Variants in PHACTR3 observed in about 807,000 individuals in gnomAD.
PHACTR3 encodes the protein protein phosphatase 1, regulatory subunit 123.
A neutral mutation model predicts 66.8 loss-of-function variants in PHACTR3; 16 were observed. The ratio of observed to expected loss-of-function variants is 0.24; its 90% confidence interval spans 0.16 to 0.36. The LOEUF is 0.36. Ranked by LOEUF, PHACTR3 falls within the 10% of genes least tolerant of loss-of-function variation. PHACTR3 has a pLI of 1.00. For missense variants in PHACTR3, 647 were observed against 719.9 expected (o/e 0.90, Z 1.16); for synonymous variants, 323 against 292.1 (o/e 1.11, Z -1.08).
chr20:59,601,686 T>G (rs1417655189), upstream of PHACTR3, among the ~76,000 whole-genome samples: 1 of 152,256 alleles, frequency 6.6e-6, no homozygotes, highest in Non-Finnish European at 1.5e-5. Context: ...TATCTTCTAT[T>G]GGTCAGTAGA....
intron 8 of PHACTR3, among the ~76,000 whole-genome samples, chr20:59,834,988 G>A (rs2042483786): frequency 6.6e-6 from 1 of 152,160 alleles, no homozygotes; most frequent in Non-Finnish European, 1.5e-5. Flanking sequence ...TTTGTGTTGG[G>A]CCTCCTTCAA....
At chr20:59,740,950 A>T (rs2146758591) in intron 1 of PHACTR3, among the ~76,000 whole-genome samples, 1 of 152,224 alleles carries the variant, frequency 6.6e-6, no homozygotes, top group East Asian at 1.9e-4. Flanking sequence ...AGTGGCATGC[A>T]TGGGTGCCTT....
At chr20:59,776,175 G>T (rs1286260987) in intron 7 of PHACTR3, among the ~76,000 whole-genome samples, 4 of 152,180 alleles carry the variant, frequency 2.6e-5, no homozygotes, top group Non-Finnish European at 4.4e-5. Flanking sequence ...AGCAGCCAGG[G>T]CCCCTTACCG....
chr20:59,772,837 G>T (rs1161143299), intron 5 of PHACTR3, among the ~76,000 whole-genome samples: 1 of 152,210 alleles, frequency 6.6e-6, no homozygotes, highest in Non-Finnish European at 1.5e-5. Flanking sequence ...GGGGCTGGAA[G>T]TGCAAGCCCA....
At chr20:59,617,920 G>T (rs2034091714) in intron 1 of PHACTR3, among the ~76,000 whole-genome samples, 1 of 152,184 alleles carries the variant, frequency 6.6e-6, no homozygotes, top group African/African-American at 2.4e-5. Flanking sequence ...CATCCTCGTG[G>T]TAGATCGTCT....
Position 59,674,058 on chromosome 20 carries a change from G to A in PHACTR3, c.118+68926G>A, listed in dbSNP as rs563724036. Among the ~76,000 whole-genome samples the A allele has an allele frequency of 9.2e-5, 14 of 152,112 alleles. No individual in the cohort carries two copies. The East Asian group carries it at 1.7e-3, about 19-fold the overall frequency. ...TCTGATGAAATTCAGCTGAGATTTC[G>A]GTTTTTTGTGCTCTGTACCCTGACA... On this transcript the variant is annotated intron_variant, in intron 1 of 12. Transcript: ENST00000371015.
chr20:59,803,134 G>T (rs545010838), intron 7 of PHACTR3, among the ~76,000 whole-genome samples: 1 of 152,292 alleles, frequency 6.6e-6, no homozygotes, highest in African/African-American at 2.4e-5. Flanking sequence ...CTCGGTGGCT[G>T]CCAGGCAGCT....
At chr20:59,840,266 C>T (rs963653560) in intron 9 of PHACTR3, 103 bp from the exon 10 acceptor site, 18 of 1,484,008 alleles carry the variant, frequency 1.2e-5, no homozygotes, top group East Asian at 2.4e-5. Flanking sequence ...AACTTCAGCT[C>T]CCAGAAATAT....
chr20:59,673,492 C>T (rs1158658103), intron 1 of PHACTR3, among the ~76,000 whole-genome samples: 2 of 152,174 alleles, frequency 1.3e-5, no homozygotes, highest in Non-Finnish European at 2.9e-5. Flanking sequence ...GCCTTGGATT[C>T]TCTTAGACCT....
chr20:59,726,996 G>A (rs1416580775), intron 1 of PHACTR3, among the ~76,000 whole-genome samples: 1 of 152,128 alleles, frequency 6.6e-6, no homozygotes, highest in African/African-American at 2.4e-5. Flanking sequence ...TCTGTGCAGT[G>A]AGTGCAGTCA....
At position 59,666,378 on chromosome 20, in the gene PHACTR3, A is replaced by G. The variant is rs549439466; in HGVS notation, c.118+61246A>G. On this transcript the variant is annotated intron_variant, in intron 1 of 12. Coordinates refer to ENST00000371015, the MANE Select transcript of PHACTR3 (RefSeq NM_080672.5). ...ATTTTACAGAAAGATAGGGTTGGACATAGCATCAGGGGTCACTTGAAAGTC... is the reference window on the plus strand; with the variant it reads ...ATTTTACAGAAAGATAGGGTTGGACGTAGCATCAGGGGTCACTTGAAAGTC... 6.2e-4 allele frequency among the ~76,000 whole-genome samples: 94 copies of G among 152,294 alleles called. 1 individual carries two copies. In the South Asian group the frequency reaches 0.019, roughly 31 times the overall value.
At chr20:59,606,782 G>A (rs1406077991) in intron 1 of PHACTR3, among the ~76,000 whole-genome samples, 1 of 152,136 alleles carries the variant, frequency 6.6e-6, no homozygotes, top group African/African-American at 2.4e-5. Context: ...CATGAGAGAA[G>A]GAGGAGGAAG....
chr20:59,722,012 C>T (rs144950912), intron 1 of PHACTR3, among the ~76,000 whole-genome samples: 71 of 152,244 alleles, frequency 4.7e-4, no homozygotes, highest in African/African-American at 1.6e-3. Context: ...AGGCAGATCA[C>T]AAGGTCAGGA....
chr20:59,788,897 T>C (rs557451905), intron 7 of PHACTR3, among the ~76,000 whole-genome samples: 1 of 152,320 alleles, frequency 6.6e-6, no homozygotes, highest in African/African-American at 2.4e-5. Flanking sequence ...CCATGATGTA[T>C]GTGTCAGGCA....
At chr20:59,693,686 G>T (rs1432401374) in intron 1 of PHACTR3, among the ~76,000 whole-genome samples, 1 of 152,160 alleles carries the variant, frequency 6.6e-6, no homozygotes, top group African/African-American at 2.4e-5. Flanking sequence ...GACTTAGCTG[G>T]GTGGTTCTTC....
At chr20:59,615,921 T>C (rs2034009356) in intron 1 of PHACTR3, among the ~76,000 whole-genome samples, 1 of 152,178 alleles carries the variant, frequency 6.6e-6, no homozygotes, top group East Asian at 1.9e-4. Context: ...CACATTAGGC[T>C]TATTTCCCTA....
In PHACTR3 at chr20:59,820,471, G is replaced by A. The variant is rs2042003391; in HGVS notation, c.1328+14277G>A. Among the ~76,000 whole-genome samples, 1 of 152,186 alleles carries A rather than the reference G, an allele frequency of 6.6e-6. No homozygotes were observed. The highest frequency in any genetic ancestry group is 1.5e-5 in the Non-Finnish European group (1 of 68,036). On this transcript the variant is annotated intron_variant, in intron 8 of 12. Coordinates refer to ENST00000371015, the MANE Select transcript of PHACTR3 (RefSeq NM_080672.5). The surrounding 1 kb of genome is among the most constrained non-coding windows in gnomAD (Gnocchi z 4.6). ...ACAGAACACACAGCTTCCAAATTGG[G>A]ACAAGTTTAAACTGGCAAATCTCAG...
intron 1 of PHACTR3, among the ~76,000 whole-genome samples, chr20:59,636,929 CTT>C (rs2034919109): frequency 6.6e-6 from 1 of 152,200 alleles, no homozygotes; most frequent in Non-Finnish European, 1.5e-5. Context: ...GCAAAGAAGA[CTT>C]TGCTTGCCAA....
At chr20:59,636,785 A>G (rs1239879558) in intron 1 of PHACTR3, among the ~76,000 whole-genome samples, 1 of 152,258 alleles carries the variant, frequency 6.6e-6, no homozygotes, top group African/African-American at 2.4e-5. Flanking sequence ...GATTATTAAT[A>G]CAGTGATGAA....
Sources: allele counts gnomAD v4.1 joint callset (sites outside exome capture counted in the v4.1 genomes callset), GRCh38; gene constraint gnomAD v4.1.1; non-coding constraint Gnocchi (gnomAD v3.1); transcripts MANE v1.5; gene names NCBI Gene and HGNC (gene_info 2026-07-23, HGNC 2026-07-21).